NTRK1: variants seen among roughly 807,000 people sequenced by gnomAD.
The protein encoded by NTRK1 is high affinity nerve growth factor receptor.
A neutral mutation model predicts 86.8 loss-of-function variants in NTRK1; 62 were observed. The observed-to-expected ratio is 0.71, with a 90% confidence interval of 0.58 to 0.88. The LOEUF is 0.88. Ranked by LOEUF, NTRK1 falls within the 40% of genes least tolerant of loss-of-function variation. NTRK1 has a pLI of 0.00. For missense variants in NTRK1, 967 were observed against 1,078.4 expected, an observed-to-expected ratio of 0.90 and a Z score of 1.45; for synonymous variants, 469 against 456.6, an observed-to-expected ratio of 1.03 and a Z score of -0.35.
rs963891911 is a variant in NTRK1, at chr1:156,853,865, T to C, written c.51-10489T>C. The C allele has an allele frequency of 2.5e-6, 4 of 1,613,954 alleles. No homozygotes were observed. In the Admixed American group the frequency reaches 5.0e-5, roughly 20 times the overall value. On this transcript the variant is annotated intron_variant, in intron 2 of 16. Coordinates refer to the NTRK1 transcript ENST00000392302. The stretch of plus-strand genomic sequence containing the variant: ...CACACCAGGGCACACGTCAGCACAC[T>C]CCTCGCCCAGCTTGTTGCCCACGAT...
In NTRK1 at chr1:156,852,177, G is replaced by T. The variant is rs1383334290; in HGVS notation, c.50+9984G>T. The T allele has an allele frequency of 2.5e-6, 4 of 1,599,898 alleles. No individual in the cohort carries two copies. The highest frequency in any genetic ancestry group is 3.4e-6 in the Non-Finnish European group (4 of 1,171,602). The stretch of plus-strand genomic sequence containing the variant: ...CCCCTCGCTGTGCAAGCCATCCCAT[G>T]GGGGCAGGGGCACACTGTGGGGAGA... On this transcript the variant is annotated intron_variant, in intron 2 of 16. Transcript: ENST00000392302.
chr1:156,865,957 A>G (rs149401886), intron 3 of NTRK1, among the ~76,000 whole-genome samples: 1 of 152,350 alleles, frequency 6.6e-6, no homozygotes, highest in Non-Finnish European at 1.5e-5. Flanking sequence ...GTGCTCAATG[A>G]CACTTCACGA....
At chr1:156,828,753 G>A (rs538059818) in intron 1 of NTRK1, among the ~76,000 whole-genome samples, 2 of 152,356 alleles carry the variant, frequency 1.3e-5, no homozygotes, top group East Asian at 3.9e-4. Context: ...GAAAGGCTGT[G>A]TGGCTTGTGG....
In NTRK1 at chr1:156,816,766, G is replaced by A. The variant is rs574015306; in HGVS notation, c.-64+928G>A. 1.0e-5 allele frequency: 15 copies of A among 1,483,876 alleles called. No individual in the cohort carries two copies. The East Asian group carries it at 3.8e-4, about 38-fold the overall frequency. 91.9% of individuals were successfully genotyped at this position (1,483,876 alleles called of 1,614,324 possible). ...GTGTGTGTATGTGTTCCGGAAAGGT[G>A]TGCACACTCAGCAACTCATCATCTC... On this transcript the variant is annotated intron_variant, in intron 1 of 16. Coordinates refer to the NTRK1 transcript ENST00000392302.
chr1:156,865,024 T>C lies in NTRK1; in HGVS notation c.359+225T>C, dbSNP rs566865069. 5.0e-5 allele frequency: 31 copies of C among 614,702 alleles called. 1 individual carries two copies. In the African/African-American group the frequency reaches 5.4e-4, roughly 11 times the overall value. 38.1% of individuals were successfully genotyped at this position (614,702 alleles called of 1,614,324 possible). On this transcript the variant is annotated intron_variant, in intron 3 of 16. Coordinates refer to ENST00000524377, the MANE Select transcript of NTRK1 (RefSeq NM_002529.4). ...CTTGCCATCTCACTTCCATGGTCCA[T>C]GCTGCAAGGACACTTCTCATAGGTG... is the stretch of plus-strand genomic sequence containing the variant.
chr1:156,833,557 C>CAAA (rs72354744), intron 1 of NTRK1, among the ~76,000 whole-genome samples: 1 of 148,066 alleles, frequency 6.8e-6, no homozygotes. Flanking sequence ...GACTCCGTCT[C>CAAA]AAAAAATAAA....
At chr1:156,845,095 A>G in intron 2 of NTRK1, 1 of 1,609,788 alleles carries the variant, frequency 6.2e-7, no homozygotes, top group Non-Finnish European at 8.5e-7. Flanking sequence ...TGGTGCGCGC[A>G]AAGACGAAGG....
At position 156,867,916 on chromosome 1, in the gene NTRK1, G is replaced by A. The variant is rs181615008; in HGVS notation, c.429-188G>A. On this transcript the variant is annotated intron_variant, in intron 4 of 16. Coordinates refer to ENST00000524377, the MANE Select transcript of NTRK1 (RefSeq NM_002529.4). ...TCTCGATCTTCTGACCTTGTGATCC[G>A]CCCGCCTCGGCCTCCCAATGGCCTA... 9.1e-4 allele frequency among the ~76,000 whole-genome samples: 134 copies of A among 146,450 alleles called. 1 individual carries two copies. Among genetic ancestry groups the A allele is most frequent in the Non-Finnish European group, 1.6e-3 (103 of 66,146 alleles).
In NTRK1 at chr1:156,854,218, G is replaced by C; in HGVS notation, c.51-10136G>C. 6.2e-7 allele frequency: 1 copy of C among 1,614,028 alleles called. No homozygotes were observed. The highest frequency in any genetic ancestry group is 8.5e-7 in the Non-Finnish European group (1 of 1,180,030). ...CCCCGGTGGCTGTGAACATGAGCAG[G>C]ATCTGCAGGTGGCCCTCCACCACGC... On this transcript the variant is annotated intron_variant, in intron 2 of 16. Transcript: ENST00000392302. This position sits in a 1 kb window ranked among gnomAD's most constrained non-coding sequence, Gnocchi z 4.2.
chr1:156,855,711 G>A (rs886483187), intron 2 of NTRK1, among the ~76,000 whole-genome samples: 6 of 152,094 alleles, frequency 3.9e-5, no homozygotes, highest in African/African-American at 1.4e-4. Flanking sequence ...TATAGTCTCA[G>A]CTACTCAGGA....
chr1:156,841,060 C>A, intron 1 of NTRK1: 1 of 1,581,722 alleles, frequency 6.3e-7, no homozygotes, highest in Non-Finnish European at 8.6e-7. Flanking sequence ...GAAAGATGGG[C>A]GCAGGCGTGG....
intron 6 of NTRK1, among the ~76,000 whole-genome samples, 192 bp downstream of exon 6, chr1:156,868,839 C>T (rs1452587376): frequency 6.6e-6 from 1 of 152,192 alleles, no homozygotes; most frequent in African/African-American, 2.4e-5. Context: ...GGCACGCACA[C>T]ACCCTCAGGG....
Position 156,868,224 on chromosome 1 carries a change from G to A in NTRK1, c.549G>A (p.Leu183=), listed in dbSNP as rs756232321. The A allele has an allele frequency of 1.2e-6, 2 of 1,611,644 alleles. No homozygotes were observed. Among genetic ancestry groups the A allele is most frequent in the South Asian group, 2.2e-5 (2 of 91,092 alleles). The part of the protein sequence containing the change: ...QKLQCHGQGP[L]AHMPNASCGV... Reference sequence around the variant, plus strand: ...TGCAGTGTCATGGGCAAGGGCCCCTGGCCCACATGCCCAATGCCAGCTGTG... The same window carrying A: ...TGCAGTGTCATGGGCAAGGGCCCCTAGCCCACATGCCCAATGCCAGCTGTG... Residue 183 remains leucine, a synonymous_variant, in exon 5 of 17, where the codon CTG becomes CTA. Coordinates refer to ENST00000524377, the MANE Select transcript of NTRK1 (RefSeq NM_002529.4).
chr1:156,856,675 T>G (rs1655414303), upstream of NTRK1, among the ~76,000 whole-genome samples: 2 of 152,092 alleles, frequency 1.3e-5, no homozygotes, highest in African/African-American at 4.8e-5. Context: ...TGTCACCCCC[T>G]CCAAGGAGGG....
intron 1 of NTRK1, among the ~76,000 whole-genome samples, chr1:156,831,019 C>G (rs1654456122): frequency 6.6e-6 from 1 of 152,196 alleles, no homozygotes; most frequent in East Asian, 1.9e-4. Flanking sequence ...TACCCTCTGG[C>G]TTTATCTCTC....
intron 2 of NTRK1, among the ~76,000 whole-genome samples, chr1:156,853,561 T>G (rs1252230318): frequency 1.3e-5 from 2 of 152,218 alleles, no homozygotes; most frequent in African/African-American, 4.8e-5. Flanking sequence ...GGCCTACCCC[T>G]TAGCTGTCTT....
Position 156,868,162 on chromosome 1 carries a change from G to A in NTRK1, c.487G>A (p.Glu163Lys), listed in dbSNP as rs2102892956. 6.2e-7 allele frequency: 1 copy of A among 1,613,862 alleles called. No homozygotes were observed. Among genetic ancestry groups the A allele is most frequent in the Non-Finnish European group, 8.5e-7 (1 of 1,180,004 alleles). ...SCALRWLQRWEEEGLGGVPEQ... is the reference protein window; with the variant it reads ...SCALRWLQRWKEEGLGGVPEQ... Reference sequence around the variant, plus strand: ...TGCCCTGCGCTGGCTACAGCGCTGGGAGGAGGAGGGACTGGGCGGAGTGCC... The same window carrying A: ...TGCCCTGCGCTGGCTACAGCGCTGGAAGGAGGAGGGACTGGGCGGAGTGCC... Residue 163 changes from glutamate to lysine, a missense_variant, in exon 5 of 17, where the codon GAG becomes AAG. Glu to Lys is a moderately conservative substitution (Grantham distance 56). Around this residue, in one of 2 missense-constraint regions of NTRK1, gnomAD observed 330 missense variants for 302.0 expected, o/e 1.09. Coordinates refer to ENST00000524377, the MANE Select transcript of NTRK1 (RefSeq NM_002529.4).
At chr1:156,845,716 G>C (rs550996068) in intron 2 of NTRK1, 1 of 1,613,650 alleles carries the variant, frequency 6.2e-7, no homozygotes. Context: ...CCAGGAGGTG[G>C]GTGCTGGCAA....
At chr1:156,855,176 T>TTATCTATC (rs142014665) in intron 2 of NTRK1, among the ~76,000 whole-genome samples, 6,994 of 143,512 alleles carry the variant, frequency 0.049, 214 homozygotes, top group Middle Eastern at 0.14. Context: ...CCATCCAATT[T>TTATCTATC]TATCTATCTA....
Sources: allele counts gnomAD v4.1 joint callset (sites outside exome capture counted in the v4.1 genomes callset), GRCh38; gene constraint gnomAD v4.1.1; regional missense constraint gnomAD v4.1.1; non-coding constraint Gnocchi (gnomAD v3.1); transcripts MANE v1.5; gene names NCBI Gene and HGNC (gene_info 2026-07-23, HGNC 2026-07-21).